SAXO1: variants seen among roughly 807,000 people sequenced by gnomAD.
SAXO1 encodes 4930500O09Rik.
Under a neutral mutation model 17.5 loss-of-function variants are expected in SAXO1, and 21 were observed. The ratio of observed to expected loss-of-function variants is 1.20; its 90% CI spans 0.85 to 1.72. The LOEUF is 1.72. Among genes scored for constraint, SAXO1 ranks in the 40% most tolerant of loss-of-function variants. The pLI, the probability that SAXO1 is intolerant of heterozygous loss-of-function variation, is 0.00. For synonymous variants in SAXO1, 274 were observed against 216.5 expected, an observed-to-expected ratio of 1.27 and a Z score of -2.33; for missense variants, 843 against 596.0, an observed-to-expected ratio of 1.41 and a Z score of -4.32.
chr9:19,009,246 TAA>T (rs5896829), intron 1 of SAXO1, among the ~76,000 whole-genome samples: 86,679 of 151,236 alleles, frequency 0.57, 25,008 homozygotes, highest in Non-Finnish European at 0.63. Context: ...CTGCCAAATT[TAA>T]AAAAAAAATT....
intron 1 of SAXO1, among the ~76,000 whole-genome samples, chr9:19,015,630 A>G (rs1393308270): frequency 6.9e-6 from 1 of 144,330 alleles, no homozygotes; most frequent in Non-Finnish European, 1.5e-5. Flanking sequence ...GGCATGAGCC[A>G]TCACGCCTGG....
intron 1 of SAXO1, among the ~76,000 whole-genome samples, chr9:18,981,424 C>A (rs940489922): frequency 1.3e-5 from 2 of 152,186 alleles, no homozygotes; most frequent in South Asian, 2.1e-4. Flanking sequence ...AGAACTCAGG[C>A]TTCCTCCTGA....
At chr9:18,958,945 G>A (rs775760984) in intron 1 of SAXO1, among the ~76,000 whole-genome samples, 1 of 152,102 alleles carries the variant, frequency 6.6e-6, no homozygotes, top group Non-Finnish European at 1.5e-5. Flanking sequence ...GGGAAAAACT[G>A]ACAAAAAGAG....
intron 1 of SAXO1, among the ~76,000 whole-genome samples, chr9:19,022,358 G>A (rs1236733890): frequency 6.6e-6 from 1 of 152,240 alleles, no homozygotes; most frequent in Non-Finnish European, 1.5e-5. Context: ...CATTCTTGAA[G>A]TGAGTGAGAC....
At chr9:19,014,460 CAAA>C (rs375593725) in intron 1 of SAXO1, among the ~76,000 whole-genome samples, 2 of 88,550 alleles carry the variant, frequency 2.3e-5, no homozygotes, top group East Asian at 3.1e-4. Flanking sequence ...AACTGTGTCT[CAAA>C]AAAAAAAAAA....
At chr9:19,019,621 C>G (rs1012620320) in intron 1 of SAXO1, among the ~76,000 whole-genome samples, 1 of 151,916 alleles carries the variant, frequency 6.6e-6, no homozygotes, top group Non-Finnish European at 1.5e-5. Context: ...CCCAGCTACT[C>G]GAGGGGCTAA....
intron 1 of SAXO1, among the ~76,000 whole-genome samples, chr9:19,040,371 A>C (rs190033531): frequency 1.8e-3 from 276 of 152,252 alleles, no homozygotes; most frequent in African/African-American, 6.4e-3. Flanking sequence ...AATGTTTTTA[A>C]AAAGAAAAAG....
At chr9:19,000,203 C>T (rs1241016685) in intron 1 of SAXO1, among the ~76,000 whole-genome samples, 2 of 151,568 alleles carry the variant, frequency 1.3e-5, no homozygotes, top group Non-Finnish European at 2.9e-5. Context: ...AGCGCCTCCA[C>T]CCGGTCGCCC....
At chr9:18,954,343 T>G (rs1832160669) in intron 1 of SAXO1, among the ~76,000 whole-genome samples, 1 of 148,158 alleles carries the variant, frequency 6.7e-6, no homozygotes, top group Non-Finnish European at 1.5e-5. Context: ...ATCACAGAAT[T>G]TTTTTTTTTT....
At chr9:18,960,011 T>A (rs1246516524) in intron 1 of SAXO1, among the ~76,000 whole-genome samples, 1 of 151,922 alleles carries the variant, frequency 6.6e-6, no homozygotes, top group Non-Finnish European at 1.5e-5. Flanking sequence ...TCAGGCTGAG[T>A]GGGCACGAGG....
chr9:18,938,204 T>C (rs148075586), intron 3 of SAXO1, among the ~76,000 whole-genome samples: 1 of 152,304 alleles, frequency 6.6e-6, no homozygotes, highest in East Asian at 1.9e-4. Context: ...AAATAGGATT[T>C]TCTCAATTTT....
intron 1 of SAXO1, chr9:19,026,757 G>A (rs555834517): frequency 3.1e-5 from 13 of 418,990 alleles, no homozygotes; most frequent in East Asian, 1.1e-4. Context: ...TGGGCCGGGC[G>A]TGGTAGCTCA....
chr9:18,995,606 G>C (rs1833967975), intron 1 of SAXO1, among the ~76,000 whole-genome samples: 1 of 152,156 alleles, frequency 6.6e-6, no homozygotes, highest in African/African-American at 2.4e-5. Flanking sequence ...CTGCATCCCA[G>C]TCACTTCCAG....
chr9:19,032,780 C>G, intron 1 of SAXO1, 91 bp downstream of exon 1: 1 of 1,435,088 alleles, frequency 7.0e-7, no homozygotes, highest in Non-Finnish European at 9.5e-7. Context: ...ACCGTGATGC[C>G]GCCTGATGAA....
chr9:18,995,987 G>C (rs998206722), intron 1 of SAXO1, among the ~76,000 whole-genome samples: 2 of 151,250 alleles, frequency 1.3e-5, no homozygotes, highest in Admixed American at 1.3e-4. Flanking sequence ...GCTGGGGCAG[G>C]AGAATCGCTT....
At chr9:19,004,744 C>T (rs1355715071) in intron 1 of SAXO1, among the ~76,000 whole-genome samples, 2 of 152,114 alleles carry the variant, frequency 1.3e-5, no homozygotes, top group South Asian at 2.1e-4. Flanking sequence ...GGAGGGATAG[C>T]GCTGGGAGAA....
chr9:19,028,216 A>G (rs1266453592), intron 1 of SAXO1: 1 of 1,012,662 alleles, frequency 9.9e-7, no homozygotes, highest in African/African-American at 1.6e-5. Flanking sequence ...AAAACAAAAA[A>G]AATACAAAAA....
intron 3 of SAXO1, among the ~76,000 whole-genome samples, chr9:18,931,562 CT>C (rs1053449759): frequency 6.6e-6 from 1 of 152,120 alleles, no homozygotes; most frequent in African/African-American, 2.4e-5. Context: ...AAAAATCTAT[CT>C]TTAGCTTTTT....
chr9:18,949,327 C>G (rs1469879722), intron 2 of SAXO1, among the ~76,000 whole-genome samples: 1 of 152,022 alleles, frequency 6.6e-6, no homozygotes, highest in Non-Finnish European at 1.5e-5. Context: ...GCATGGTGGT[C>G]CATGCCTGTA....
Sources: gnomAD v4.1 joint callset for allele counts (sites outside exome capture counted in the v4.1 genomes callset) on GRCh38, gnomAD v4.1.1 for gene constraint, MANE v1.5 for transcripts, NCBI Gene and HGNC (gene_info 2026-07-23, HGNC 2026-07-21) for gene names.